AAK1: variants seen among roughly 807,000 people sequenced by gnomAD.
AAK1 encodes the protein AP2 associated kinase 1, also known as AP2-associated protein kinase 1.
Under a neutral mutation model 116.0 loss-of-function variants are expected in AAK1, and 37 were observed. The observed-to-expected ratio is 0.32, with a 90% confidence interval of 0.25 to 0.42. The LOEUF (loss-of-function observed/expected upper bound fraction) is 0.42. Ranked by LOEUF, AAK1 falls within the 10% of genes least tolerant of loss-of-function variation. AAK1 has a pLI of 1.00. For missense variants in AAK1, 919 were observed against 1,170.6 expected (o/e 0.79, Z 3.14); for synonymous variants, 458 against 439.9 (o/e 1.04, Z -0.51).
At chr2:69,491,411 C>T (rs547925894) in intron 17 of AAK1, among the ~76,000 whole-genome samples, 2 of 152,292 alleles carry the variant, frequency 1.3e-5, no homozygotes, top group African/African-American at 4.8e-5. Context: ...ATGTTCATGG[C>T]TATGATTTTC....
intron 2 of AAK1, among the ~76,000 whole-genome samples, chr2:69,599,289 G>A (rs1673447399): frequency 6.6e-6 from 1 of 150,786 alleles, no homozygotes; most frequent in Non-Finnish European, 1.5e-5. Flanking sequence ...TAATAAGAAA[G>A]CAATGTAGAG....
chr2:69,492,070 G>A (rs1675544162), intron 17 of AAK1, among the ~76,000 whole-genome samples: 1 of 152,046 alleles, frequency 6.6e-6, no homozygotes, highest in Non-Finnish European at 1.5e-5. Context: ...CACACCATGA[G>A]GGCGTTACTT....
chr2:69,600,290 G>GTTT (rs55852032), intron 2 of AAK1, among the ~76,000 whole-genome samples: 4 of 133,512 alleles, frequency 3.0e-5, no homozygotes, highest in Admixed American at 7.5e-5. Flanking sequence ...ATCTGTCTCA[G>GTTT]TTTTTTTTTT....
intron 21 of AAK1, 135 bp from the exon 22 acceptor site, chr2:69,476,098 G>T: frequency 6.9e-7 from 1 of 1,443,936 alleles, no homozygotes; most frequent in Non-Finnish European, 9.1e-7. Context: ...AAACCCTAGA[G>T]AAGCAATATT....
intron 2 of AAK1, among the ~76,000 whole-genome samples, chr2:69,612,301 A>G (rs1305793665): frequency 6.6e-6 from 1 of 152,258 alleles, no homozygotes; most frequent in East Asian, 1.9e-4. Context: ...TGTAACCACA[A>G]CTTTTAAAAA....
chr2:69,542,011 A>G (rs1238667154), intron 5 of AAK1, among the ~76,000 whole-genome samples: 1 of 152,236 alleles, frequency 6.6e-6, no homozygotes, highest in Non-Finnish European at 1.5e-5. Context: ...GTAGTAGAGT[A>G]CATGGCACGT....
chr2:69,522,836 C>T (rs1238871435), intron 10 of AAK1, among the ~76,000 whole-genome samples: 2 of 151,780 alleles, frequency 1.3e-5, no homozygotes. Context: ...AAGAAAAAGC[C>T]AAGGGTGAGG....
Position 69,493,258 on chromosome 2 carries a change from C to T in AAK1, c.2365+2727G>A, listed in dbSNP as rs114995679. Among the ~76,000 whole-genome samples, 834 of 151,706 alleles carry T rather than the reference C, an allele frequency of 5.5e-3. 8 individuals are homozygous for T. The highest frequency in any genetic ancestry group is 0.019 in the African/African-American group (799 of 41,354). Reference sequence around the variant, plus strand: ...GTTAAAATAAGCAGAATAGTCAAAGCCACCGTGGTAATATAACATACTTAG... The same window carrying T: ...GTTAAAATAAGCAGAATAGTCAAAGTCACCGTGGTAATATAACATACTTAG... On this transcript the variant is annotated intron_variant, in intron 17 of 21. Coordinates refer to ENST00000409085, the MANE Select transcript of AAK1 (RefSeq NM_014911.5).
At chr2:69,495,085 G>A (rs1181673996) in intron 17 of AAK1, among the ~76,000 whole-genome samples, 4 of 151,986 alleles carry the variant, frequency 2.6e-5, no homozygotes, top group Non-Finnish European at 5.9e-5. Context: ...GCAACAATGG[G>A]AAAAAAGGAA....
At chr2:69,542,734 T>G in intron 4 of AAK1, 69 bp from the exon 5 acceptor site, 1 of 1,544,402 alleles carries the variant, frequency 6.5e-7, no homozygotes, top group Non-Finnish European at 8.8e-7. Context: ...TCTAAGAGAA[T>G]GAACGGCGTC....
At chr2:69,478,928 C>T (rs761796974) in intron 20 of AAK1, 23 bp downstream of exon 20, 1 of 1,555,608 alleles carries the variant, frequency 6.4e-7, no homozygotes, top group Non-Finnish European at 8.9e-7. Context: ...CACATGTGGG[C>T]CTGAGAAGAA....
chr2:69,623,964 G>A (rs1674784931), intron 2 of AAK1, among the ~76,000 whole-genome samples: 1 of 151,988 alleles, frequency 6.6e-6, no homozygotes, highest in Non-Finnish European at 1.5e-5. Context: ...GCCCTAACCG[G>A]AATATAAGTA....
chr2:69,508,279 T>A (rs923017215), intron 14 of AAK1, among the ~76,000 whole-genome samples: 1 of 152,214 alleles, frequency 6.6e-6, no homozygotes. Flanking sequence ...CTATTTAGGC[T>A]GCCTCTCATC....
intron 2 of AAK1, among the ~76,000 whole-genome samples, chr2:69,585,968 T>C (rs920611801): frequency 6.6e-6 from 1 of 152,120 alleles, no homozygotes; most frequent in African/African-American, 2.4e-5. Context: ...AACTCTTCCC[T>C]CCACCTTCCC....
At chr2:69,607,934 T>C (rs1329399478) in intron 2 of AAK1, among the ~76,000 whole-genome samples, 2 of 152,184 alleles carry the variant, frequency 1.3e-5, no homozygotes, top group Admixed American at 6.5e-5. Flanking sequence ...GGGGAACACA[T>C]GTCTCCTGCC....
At chr2:69,518,506 C>T (rs527331333) in intron 12 of AAK1, among the ~76,000 whole-genome samples, 1 of 150,750 alleles carries the variant, frequency 6.6e-6, no homozygotes, top group African/African-American at 2.4e-5. Flanking sequence ...TGAACCTCTG[C>T]CTCCTGGGTT....
chr2:69,630,815 T>C (rs13420980), intron 2 of AAK1, among the ~76,000 whole-genome samples: 17,640 of 152,140 alleles, frequency 0.12, 2,305 homozygotes, highest in African/African-American at 0.3. Context: ...TATCAGGTTT[T>C]CCATAATCAT....
intron 16 of AAK1, among the ~76,000 whole-genome samples, chr2:69,498,199 T>C (rs1675827158): frequency 6.6e-6 from 1 of 152,216 alleles, no homozygotes; most frequent in African/African-American, 2.4e-5. Flanking sequence ...GGCCATCAAA[T>C]GTGGGACATT....
chr2:69,509,763 AG>A (rs1169361710), intron 13 of AAK1, among the ~76,000 whole-genome samples: 1 of 152,246 alleles, frequency 6.6e-6, no homozygotes, highest in East Asian at 1.9e-4. Flanking sequence ...ATAAGAATGC[AG>A]AAGCTATTCC....
Sources: allele counts gnomAD v4.1 joint callset (sites outside exome capture counted in the v4.1 genomes callset), GRCh38; gene constraint gnomAD v4.1.1; transcripts MANE v1.5; gene names NCBI Gene and HGNC (gene_info 2026-07-23, HGNC 2026-07-21).